PRKRIP1: variants seen among roughly 807,000 people sequenced by gnomAD.
PRKRIP1 encodes the protein PRKR-interacting protein 1.
In PRKRIP1, 29 loss-of-function variants were observed where a neutral mutation model predicts 29.3. The observed-to-expected ratio is 0.99, with a 90% CI of 0.74 to 1.35. PRKRIP1 has a LOEUF of 1.35. PRKRIP1 is among the 40% of genes most tolerant of loss of function. PRKRIP1 has a pLI of 0.00. For missense variants in PRKRIP1, 247 were observed against 236.8 expected, an observed-to-expected ratio of 1.04 and a Z score of -0.28; for synonymous variants, 90 against 85.1, an observed-to-expected ratio of 1.06 and a Z score of -0.32.
At chr7:102,409,296 A>T (rs1796311730) in intron 5 of PRKRIP1, among the ~76,000 whole-genome samples, 1 of 152,224 alleles carries the variant, frequency 6.6e-6, no homozygotes, top group Admixed American at 6.5e-5. Context: ...TCCTAGAAGA[A>T]ATTATTTTAA....
intron 4 of PRKRIP1, among the ~76,000 whole-genome samples, chr7:102,405,012 C>A (rs181752484): frequency 1.3e-5 from 2 of 151,920 alleles, no homozygotes; most frequent in Non-Finnish European, 2.9e-5. Context: ...CTGCAACCTC[C>A]GCCTCCTGGG....
rs781795889 is a variant in PRKRIP1, at chr7:102,425,153, G to A, written c.*42G>A. On this transcript the variant is annotated 3_prime_UTR_variant, in exon 6 of 6. Transcript: ENST00000397912. ...CTCTGCCTGGAACCTGGCTCGTGCT[G>A]TGACCAGAAGGGAAAGGCGGCTGTT... 3 of 1,587,950 alleles carry A rather than the reference G, an allele frequency of 1.9e-6. No individual in the cohort carries two copies. The highest frequency in any genetic ancestry group is 2.6e-6 in the Non-Finnish European group (3 of 1,171,062).
At chr7:102,401,078 A>G (rs1796058087) in intron 3 of PRKRIP1, among the ~76,000 whole-genome samples, 2 of 152,244 alleles carry the variant, frequency 1.3e-5, no homozygotes, top group South Asian at 4.1e-4. Flanking sequence ...AAACAAAAAA[A>G]TGATGAATTA....
rs782303686 is a variant in PRKRIP1 at position 102,407,458 on chromosome 7, A to G, written c.417A>G (p.Leu139=). The part of the protein sequence containing the change: ...KKRQKLKEKK[L]LAKKMKLEQK... ...GCCAGAAGTTAAAAGAGAAGAAATT[A>G]CTGGCAAAGAAGATGAAACTTGAAC... The change falls in exon 5 of 6, where the codon TTA becomes TTG. Residue 139 remains leucine (L), a synonymous_variant. Coordinates refer to ENST00000397912, the MANE Select transcript of PRKRIP1 (RefSeq NM_024653.4). The G allele has an allele frequency of 5.6e-6, 9 of 1,612,036 alleles. No homozygotes were observed. The Admixed American group carries it at 8.3e-5, about 15-fold the overall frequency.
At chr7:102,424,465 C>T (rs1199303517) in intron 5 of PRKRIP1, among the ~76,000 whole-genome samples, 1 of 152,222 alleles carries the variant, frequency 6.6e-6, no homozygotes, top group Non-Finnish European at 1.5e-5. Flanking sequence ...TCCTCATGCT[C>T]GGCTTCTGGC....
At chr7:102,422,710 C>T (rs1479810528) in intron 5 of PRKRIP1, among the ~76,000 whole-genome samples, 4 of 152,094 alleles carry the variant, frequency 2.6e-5, no homozygotes, top group African/African-American at 9.7e-5. Context: ...CTCCTGACCT[C>T]GAGTGATCCA....
At position 102,425,361 on chromosome 7, in the gene PRKRIP1, C is replaced by T; in HGVS notation, c.*250C>T. On this transcript the variant is annotated 3_prime_UTR_variant, in exon 6 of 6. Coordinates refer to ENST00000397912, the MANE Select transcript of PRKRIP1 (RefSeq NM_024653.4). ...CTCCTGGTAAAGGGGGACAGAGAGC[C>T]TCACCTTGCCACATATTTGAACAGT... is the stretch of plus-strand genomic sequence containing the variant. 2 of 620,356 alleles carry T rather than the reference C, an allele frequency of 3.2e-6. No homozygotes were observed. Among genetic ancestry groups the T allele is most frequent in the South Asian group, 3.7e-5 (2 of 54,526 alleles). 38.4% of individuals were successfully genotyped at this position (620,356 alleles called of 1,614,324 possible). A position where few individuals can be genotyped will look rare whatever the true frequency, so the allele number is the denominator to read the frequency against.
intron 5 of PRKRIP1, among the ~76,000 whole-genome samples, chr7:102,409,161 C>T (rs1348660088): frequency 6.6e-6 from 1 of 151,908 alleles, no homozygotes; most frequent in African/African-American, 2.4e-5. Flanking sequence ...GTGACAGGAG[C>T]GAAACTCCGT....
In PRKRIP1 at chr7:102,396,507, G is replaced by C. The variant is rs527918293; in HGVS notation, c.96G>C (p.Lys32Asn). 1.6e-5 allele frequency: 25 copies of C among 1,610,166 alleles called. 1 individual carries two copies. The South Asian group carries it at 2.5e-4, about 16-fold the overall frequency. The change falls in exon 1 of 6, where the codon AAG (lysine) becomes AAC (asparagine). Residue 32 changes from lysine to asparagine, a missense_variant. Lys to Asn is a moderately conservative substitution (Grantham distance 94, BLOSUM62 0). Coordinates refer to ENST00000397912, the MANE Select transcript of PRKRIP1 (RefSeq NM_024653.4). ...VIPKNAAEEQ[K>N]LKLERLMKNP... ...CCAAGAATGCGGCGGAGGAGCAGAA[G>C]CTCAAGCTGGAGCGGCTCATGAAGA...
At chr7:102,401,897 C>T (rs1223863037) in intron 3 of PRKRIP1, among the ~76,000 whole-genome samples, 2 of 152,068 alleles carry the variant, frequency 1.3e-5, no homozygotes, top group African/African-American at 2.4e-5. Context: ...AGTGAGACTC[C>T]TTCTGAAAAA....
intron 2 of PRKRIP1, among the ~76,000 whole-genome samples, chr7:102,398,574 A>G (rs529675363): frequency 6.6e-6 from 1 of 152,274 alleles, no homozygotes; most frequent in South Asian, 2.1e-4. Context: ...TGTGAACCAC[A>G]GTGCCCGGCC....
At chr7:102,416,026 C>G (rs544784618) in intron 5 of PRKRIP1, among the ~76,000 whole-genome samples, 1 of 152,364 alleles carries the variant, frequency 6.6e-6, no homozygotes, top group Admixed American at 6.5e-5. Context: ...GCTCTCTTCA[C>G]CTTCAGCTTC....
intron 5 of PRKRIP1, among the ~76,000 whole-genome samples, chr7:102,424,172 C>T (rs1446327816): frequency 6.6e-6 from 1 of 152,232 alleles, no homozygotes; most frequent in Non-Finnish European, 1.5e-5. Flanking sequence ...GCTTAGAGGC[C>T]CTTTGTCTGA....
chr7:102,421,091 G>A (rs1206767461), intron 5 of PRKRIP1, among the ~76,000 whole-genome samples: 1 of 152,110 alleles, frequency 6.6e-6, no homozygotes, highest in South Asian at 2.1e-4. Context: ...CATCAAAAAG[G>A]CCTGCAGATC....
chr7:102,397,471 A>G (rs1795939824), intron 1 of PRKRIP1, 149 bp from the exon 2 acceptor site: 2 of 623,034 alleles, frequency 3.2e-6, no homozygotes, highest in African/African-American at 1.9e-5. Flanking sequence ...ACTTGAGCCC[A>G]GGAGTTCAAG....
chr7:102,402,834 C>T (rs1796109593), intron 3 of PRKRIP1, among the ~76,000 whole-genome samples: 1 of 152,102 alleles, frequency 6.6e-6, no homozygotes, highest in Non-Finnish European at 1.5e-5. Flanking sequence ...AGTTCACTTG[C>T]TGGTAAATTT....
At chr7:102,416,835 A>G (rs1256776130) in intron 5 of PRKRIP1, among the ~76,000 whole-genome samples, 1 of 151,758 alleles carries the variant, frequency 6.6e-6, no homozygotes, top group Non-Finnish European at 1.5e-5. Context: ...GCGCACCTCC[A>G]CACCCTGCTA....
intron 1 of PRKRIP1, 114 bp from the exon 2 acceptor site, chr7:102,397,506 A>G: frequency 3.8e-6 from 3 of 793,254 alleles, no homozygotes; most frequent in Non-Finnish European, 6.3e-6. Flanking sequence ...TGATTGCACC[A>G]CTGCACTCCA....
At chr7:102,396,646 A>C in intron 1 of PRKRIP1, 109 bp downstream of exon 1, 12 of 1,207,692 alleles carry the variant, frequency 9.9e-6, no homozygotes, top group South Asian at 1.3e-5. Context: ...TCAGAAACTC[A>C]GTATCCGACC....
Sources: gnomAD v4.1 joint callset for allele counts (sites outside exome capture counted in the v4.1 genomes callset) on GRCh38, gnomAD v4.1.1 for gene constraint, MANE v1.5 for transcripts, NCBI Gene and HGNC (gene_info 2026-07-23, HGNC 2026-07-21) for gene names.